The following DSCAM variants were observed in gnomAD, a reference collection of about 807,000 sequenced individuals.
The protein encoded by DSCAM is cell adhesion molecule DSCAM.
DSCAM carries 47 observed loss-of-function variants against 217.7 expected under a neutral mutation model. The ratio of observed to expected loss-of-function variants is 0.22; its 90% CI spans 0.17 to 0.28. The LOEUF is 0.28. Ranked by LOEUF, DSCAM falls within the 10% of genes least tolerant of loss-of-function variation. The pLI is 1.00. For missense variants in DSCAM, 2,080 were observed against 2,618.3 expected (o/e 0.79, Z 4.49); for synonymous variants, 1,056 against 1,015.3 (o/e 1.04, Z -0.76).
At chr21:40,650,261 G>A (rs897977885) in intron 3 of DSCAM, among the ~76,000 whole-genome samples, 4 of 152,146 alleles carry the variant, frequency 2.6e-5, no homozygotes, top group African/African-American at 9.7e-5. Context: ...ATGATGTAGA[G>A]GCAACATTTC....
intron 16 of DSCAM, 35 bp downstream of exon 16, chr21:40,167,182 GA>G (rs780606861): frequency 3.7e-6 from 6 of 1,600,048 alleles, no homozygotes; most frequent in African/African-American, 1.3e-5. Flanking sequence ...GCCCTGGGGG[GA>G]AAGCACCGAG....
At chr21:40,139,684 T>C (rs2090264434) in intron 18 of DSCAM, among the ~76,000 whole-genome samples, 1 of 151,916 alleles carries the variant, frequency 6.6e-6, no homozygotes, top group South Asian at 2.1e-4. Flanking sequence ...GTATGTGGTG[T>C]ATATGGAGTG....
intron 1 of DSCAM, among the ~76,000 whole-genome samples, chr21:40,814,178 T>C (rs1251294277): frequency 6.6e-6 from 1 of 152,234 alleles, no homozygotes; most frequent in Non-Finnish European, 1.5e-5. Flanking sequence ...ACAGCTTTAT[T>C]TGTGGCCTCC....
At chr21:40,415,633 G>A (rs931462446) in intron 3 of DSCAM, among the ~76,000 whole-genome samples, 2 of 152,192 alleles carry the variant, frequency 1.3e-5, no homozygotes, top group African/African-American at 4.8e-5. Flanking sequence ...CCCTGGCCCT[G>A]GAGAAATCTG....
At chr21:40,017,482 T>C (rs1353421331) in intron 32 of DSCAM, among the ~76,000 whole-genome samples, 1 of 152,180 alleles carries the variant, frequency 6.6e-6, no homozygotes, top group Non-Finnish European at 1.5e-5. Context: ...AAAGGCATTC[T>C]AATTCAACGT....
intron 11 of DSCAM, among the ~76,000 whole-genome samples, chr21:40,241,811 C>A (rs537386872): frequency 6.6e-6 from 1 of 152,182 alleles, no homozygotes; most frequent in Non-Finnish European, 1.5e-5. Flanking sequence ...GAATACCATG[C>A]GGCCATAAAA....
intron 1 of DSCAM, among the ~76,000 whole-genome samples, chr21:40,822,916 G>A (rs769332237): frequency 6.6e-5 from 10 of 152,272 alleles, no homozygotes; most frequent in Middle Eastern, 3.4e-3. Context: ...TTGGGAGGCC[G>A]AGGCGGGCGG....
intron 3 of DSCAM, among the ~76,000 whole-genome samples, chr21:40,376,491 A>C (rs1023833362): frequency 1.3e-4 from 14 of 110,296 alleles, no homozygotes; most frequent in Non-Finnish European, 2.4e-4. Flanking sequence ...TCTTATATAG[A>C]TATCTATATA....
chr21:40,694,029 C>T (rs572387381), intron 2 of DSCAM, among the ~76,000 whole-genome samples: 36 of 152,202 alleles, frequency 2.4e-4, no homozygotes, highest in African/African-American at 7.5e-4. Context: ...AATCAGTTAA[C>T]GTAGGTGAAA....
intron 27 of DSCAM, 149 bp downstream of exon 27, chr21:40,074,888 G>A: frequency 2.7e-6 from 2 of 743,218 alleles, no homozygotes; most frequent in Non-Finnish European, 4.2e-6. Flanking sequence ...TCTCGCTGAA[G>A]GAATGTCAGA....
rs1382696940 is a variant in DSCAM, at chr21:40,011,634, T to C, written c.*1400A>G. 1 of 152,004 alleles carries C rather than the reference T, an allele frequency of 6.6e-6. No individual in the cohort carries two copies. The highest frequency in any genetic ancestry group is 6.6e-5 in the Admixed American group (1 of 15,250). The allele number at this position is 152,004 out of a possible 1,614,324, so 9.4% of individuals were successfully genotyped here. On this transcript the variant is annotated 3_prime_UTR_variant, in exon 33 of 33. Transcript: ENST00000400454. ...TTTCATAAAGCAAACCCTGTGAGGG[T>C]TGTGGGATAAAGAATGCAGTTCCGA... is the stretch of plus-strand genomic sequence containing the variant.
chr21:40,588,521 A>AT (rs913619382), intron 3 of DSCAM, among the ~76,000 whole-genome samples: 4 of 152,218 alleles, frequency 2.6e-5, no homozygotes, highest in African/African-American at 9.6e-5. Flanking sequence ...TGAAATGGAC[A>AT]TTTTTAGAGC....
intron 1 of DSCAM, among the ~76,000 whole-genome samples, chr21:40,801,074 C>T (rs1169404913): frequency 6.6e-6 from 1 of 151,864 alleles, no homozygotes; most frequent in Non-Finnish European, 1.5e-5. Context: ...GCCTCAGCCT[C>T]CCAAGTAGCT....
chr21:40,845,551 C>G (rs947695432), intron 1 of DSCAM, among the ~76,000 whole-genome samples: 7 of 151,174 alleles, frequency 4.6e-5, no homozygotes, highest in Non-Finnish European at 8.9e-5. Flanking sequence ...CTCTCTCTCT[C>G]TCTCTCTCTC....
chr21:40,771,188 C>T (rs577294738), intron 1 of DSCAM, among the ~76,000 whole-genome samples: 1 of 152,288 alleles, frequency 6.6e-6, no homozygotes, highest in Non-Finnish European at 1.5e-5. Flanking sequence ...GGACAGAAAG[C>T]CACTTAAGGG....
intron 11 of DSCAM, among the ~76,000 whole-genome samples, chr21:40,190,798 A>T (rs149395027): frequency 3.9e-4 from 60 of 152,336 alleles, no homozygotes; most frequent in Middle Eastern, 3.4e-3. Flanking sequence ...AAACTAAAGA[A>T]CACATGAGAA....
Position 40,012,783 on chromosome 21 carries a change from C to G in DSCAM, c.*251G>C, listed in dbSNP as rs73906375. ...TAGAAAATCAGTAAAAATGCAATAG[C>G]CTGTGAAGATCATAAAACTGGACTT... On this transcript the variant is annotated 3_prime_UTR_variant, in exon 33 of 33. Transcript: ENST00000400454. The G allele has an allele frequency of 5.7e-4, 164 of 286,014 alleles. No individual in the cohort carries two copies. The highest frequency in any genetic ancestry group is 3.2e-3 in the African/African-American group (146 of 46,240). The allele number at this position is 286,014 out of a possible 1,614,324, so 17.7% of individuals were successfully genotyped here. A position where few individuals can be genotyped will look rare whatever the true frequency, so the allele number is the denominator to read the frequency against.
At chr21:40,676,479 T>G (rs2090339877) in intron 3 of DSCAM, among the ~76,000 whole-genome samples, 1 of 152,232 alleles carries the variant, frequency 6.6e-6, no homozygotes, top group South Asian at 2.1e-4. Flanking sequence ...AGCGATGGAA[T>G]TGTGTCGAAT....
intron 1 of DSCAM, among the ~76,000 whole-genome samples, chr21:40,733,161 T>G (rs1233074143): frequency 6.6e-6 from 1 of 152,196 alleles, no homozygotes; most frequent in African/African-American, 2.4e-5. Flanking sequence ...AGGTAGTTGC[T>G]GCACTCGTAA....
Sources: gnomAD v4.1 joint callset for allele counts (sites outside exome capture counted in the v4.1 genomes callset) on GRCh38, gnomAD v4.1.1 for gene constraint, MANE v1.5 for transcripts, NCBI Gene and HGNC (gene_info 2026-07-23, HGNC 2026-07-21) for gene names.